The following ANKRD36C variants were observed in gnomAD, a reference collection of about 807,000 sequenced individuals.
The protein encoded by ANKRD36C is ankyrin repeat domain-containing protein 36C.
In ANKRD36C, 61 loss-of-function variants were observed where a neutral mutation model predicts 276.4. The ratio of observed to expected loss-of-function variants is 0.22; its 90% CI spans 0.18 to 0.27. ANKRD36C has a LOEUF of 0.27. Among genes scored for constraint, ANKRD36C ranks in the 10% least tolerant of loss-of-function variants. The probability of loss-of-function intolerance (pLI) is 1.00; values close to 1 mark genes in which losing one functional copy is unlikely to be tolerated. For synonymous variants in ANKRD36C, 483 were observed against 680.1 expected, an observed-to-expected ratio of 0.71 and a Z score of 4.51; for missense variants, 1,447 against 2,032.3, an observed-to-expected ratio of 0.71 and a Z score of 5.54.
chr2:95,959,293 G>A (rs1678403203), intron 10 of ANKRD36C, among the ~76,000 whole-genome samples: 1 of 151,964 alleles, frequency 6.6e-6, no homozygotes. Context: ...CAAGTGCTCT[G>A]TGGAAGTGTT....
At chr2:95,860,536 A>G (rs1345737181) in intron 60 of ANKRD36C, among the ~76,000 whole-genome samples, 3 of 152,206 alleles carry the variant, frequency 2.0e-5, no homozygotes, top group African/African-American at 4.8e-5. Flanking sequence ...TGATGGAGTA[A>G]CAGATACTGA....
rs557636280 is a variant in ANKRD36C, at chr2:95,893,272, C to T, written c.2756-1412G>A. Among the ~76,000 whole-genome samples, 111 of 151,212 alleles carry T rather than the reference C, an allele frequency of 7.3e-4. 1 individual carries two copies. The highest frequency in any genetic ancestry group is 2.6e-3 in the African/African-American group (109 of 41,324). ...GAATTAAAGCAAAACTATGCTGTTC[C>T]CCAGAGCCCCTTATGTCTTCAACTG... On this transcript the variant is annotated intron_variant, in intron 44 of 66. Transcript: ENST00000456556.
At chr2:95,936,223 AAC>A (rs1327451929) in intron 22 of ANKRD36C, among the ~76,000 whole-genome samples, 2,823 of 102,116 alleles carry the variant, frequency 0.028, no homozygotes, top group Admixed American at 0.052. Context: ...AAATATTTGA[AAC>A]ATCAGAGGCT....
At chr2:95,948,948 A>G (rs961025827) in intron 16 of ANKRD36C, among the ~76,000 whole-genome samples, 1 of 152,138 alleles carries the variant, frequency 6.6e-6, no homozygotes, top group Non-Finnish European at 1.5e-5. Context: ...TGAAAATCCA[A>G]TTGATATCTG....
chr2:95,930,831 A>C (rs1054949124), intron 24 of ANKRD36C, among the ~76,000 whole-genome samples: 1 of 151,432 alleles, frequency 6.6e-6, no homozygotes, highest in Non-Finnish European at 1.5e-5. Context: ...CAAAAAAAAA[A>C]CAAAAAACAA....
At chr2:95,916,571 C>A (rs1423759412) in intron 36 of ANKRD36C, among the ~76,000 whole-genome samples, 1 of 151,624 alleles carries the variant, frequency 6.6e-6, no homozygotes, top group Non-Finnish European at 1.5e-5. Flanking sequence ...AGGATTTACA[C>A]CATTACACTA....
At chr2:95,968,301 T>C (rs1198817912) in intron 6 of ANKRD36C, among the ~76,000 whole-genome samples, 1 of 152,214 alleles carries the variant, frequency 6.6e-6, no homozygotes, top group Non-Finnish European at 1.5e-5. Flanking sequence ...CTTATGTGCT[T>C]AGCATATACT....
chr2:95,915,907 C>A (rs148809852), intron 38 of ANKRD36C, 73 bp downstream of exon 40: 39 of 1,503,096 alleles, frequency 2.6e-5, no homozygotes, highest in Non-Finnish European at 3.3e-5. Context: ...GACCAGCCCC[C>A]CACTGATTTA....
chr2:95,988,789 A>T (rs1173791955), intron 1 of ANKRD36C, among the ~76,000 whole-genome samples: 1 of 152,204 alleles, frequency 6.6e-6, no homozygotes, highest in East Asian at 1.9e-4. Context: ...AAATCTATGC[A>T]TAATAAAATA....
chr2:95,903,155 A>C (rs1676707036), intron 42 of ANKRD36C, 74 bp from the exon 53 acceptor site: 1 of 1,528,616 alleles, frequency 6.5e-7, no homozygotes. Context: ...ATGCAGTGTT[A>C]GCATCAACCT....
At chr2:95,977,605 T>C (rs1412142185) in intron 6 of ANKRD36C, among the ~76,000 whole-genome samples, 2 of 152,068 alleles carry the variant, frequency 1.3e-5, no homozygotes, top group Admixed American at 1.3e-4. Context: ...CTGCAAAAGC[T>C]TCCTTTCTCT....
At chr2:95,915,456 G>A (rs1179130219) in intron 38 of ANKRD36C, among the ~76,000 whole-genome samples, 5 of 151,410 alleles carry the variant, frequency 3.3e-5, no homozygotes, top group Non-Finnish European at 5.9e-5. Context: ...GTTCACTCAG[G>A]TTTCCTCAGC....
At chr2:95,934,913 C>A (rs1375988333) in intron 24 of ANKRD36C, among the ~76,000 whole-genome samples, 182 of 145,726 alleles carry the variant, frequency 1.2e-3, no homozygotes, top group Middle Eastern at 3.7e-3. Flanking sequence ...TGACTTTACT[C>A]ATTTTCCAGA....
At chr2:95,978,982 T>C (rs1296750552) in intron 5 of ANKRD36C, among the ~76,000 whole-genome samples, 2 of 152,052 alleles carry the variant, frequency 1.3e-5, no homozygotes, top group African/African-American at 4.8e-5. Flanking sequence ...GCTAGAATGA[T>C]GGTTCATCTC....
intron 24 of ANKRD36C, among the ~76,000 whole-genome samples, chr2:95,933,618 C>T (rs1468056543): frequency 2.0e-4 from 31 of 152,088 alleles, no homozygotes; most frequent in Non-Finnish European, 3.5e-4. Context: ...TTTTTGCACA[C>T]TGATTTTGTA....
intron 24 of ANKRD36C, among the ~76,000 whole-genome samples, chr2:95,931,307 A>G (rs1158558886): frequency 6.6e-6 from 1 of 150,692 alleles, no homozygotes; most frequent in East Asian, 2.0e-4. Context: ...CTTCACTCAC[A>G]TCGGTTTGAG....
chr2:95,851,064 G>A, downstream of ANKRD36C: 1 of 674,378 alleles, frequency 1.5e-6, no homozygotes, highest in Non-Finnish European at 2.7e-6. Flanking sequence ...ATTTAATGTA[G>A]CATTTATTAA....
chr2:95,871,003 A>G (rs545558273), intron 59 of ANKRD36C, among the ~76,000 whole-genome samples: 1 of 152,316 alleles, frequency 6.6e-6, no homozygotes, highest in East Asian at 1.9e-4. Flanking sequence ...CCTCCAAGAA[A>G]TATGGGACTA....
chr2:95,984,108 C>T (rs1291226569), intron 3 of ANKRD36C, among the ~76,000 whole-genome samples: 1 of 151,896 alleles, frequency 6.6e-6, no homozygotes, highest in Non-Finnish European at 1.5e-5. Flanking sequence ...AAAAGTTCAA[C>T]CCGATTACCA....
Sources: gnomAD v4.1 joint callset for allele counts (sites outside exome capture counted in the v4.1 genomes callset) on GRCh38, gnomAD v4.1.1 for gene constraint, MANE v1.5 for transcripts, NCBI Gene and HGNC (gene_info 2026-07-23, HGNC 2026-07-21) for gene names.